The following A2ML1 variants were observed in gnomAD, a reference collection of about 807,000 sequenced individuals.
A2ML1 encodes alpha-2-macroglobulin like 1.
A neutral mutation model predicts 181.9 loss-of-function variants in A2ML1; 161 were observed. The observed-to-expected ratio is 0.89, with a 90% CI of 0.78 to 1.01. The LOEUF is 1.01. Ranked by LOEUF, A2ML1 falls within the 50% of genes least tolerant of loss-of-function variation. A2ML1 has a pLI of 0.00. For synonymous variants in A2ML1, 663 were observed against 666.8 expected (o/e 0.99, Z 0.09); for missense variants, 1,670 against 1,768.1 (o/e 0.94, Z 1.00).
chr12:8,857,430 T>A (rs764736255), intron 24 of A2ML1, 77 bp from the exon 25 acceptor site: 62 of 1,604,806 alleles, frequency 3.9e-5, no homozygotes, highest in Admixed American at 3.7e-4. Flanking sequence ...GCCCCTCAAG[T>A]GTCCCATATC....
At chr12:8,869,043 T>C (rs2136966472) in intron 32 of A2ML1, 92 bp from the exon 33 acceptor site, 1 of 1,250,958 alleles carries the variant, frequency 8.0e-7, no homozygotes, top group East Asian at 2.3e-5. Context: ...CCACAGTATA[T>C]ATTGTTTCCT....
chr12:8,827,410 C>T (rs987987761), intron 3 of A2ML1, among the ~76,000 whole-genome samples: 1 of 152,056 alleles, frequency 6.6e-6, no homozygotes, highest in African/African-American at 2.4e-5. Context: ...ATAAACTTTC[C>T]ATCTCATTTT....
At chr12:8,843,833 C>T (rs2136819769) in intron 12 of A2ML1, among the ~76,000 whole-genome samples, 1 of 151,202 alleles carries the variant, frequency 6.6e-6, no homozygotes, top group East Asian at 2.0e-4. Context: ...ATTCTCCTGT[C>T]TCAGCCTCCC....
Position 8,851,886 on chromosome 12 carries a change from A to G in A2ML1, c.2337A>G (p.Ser779=), listed in dbSNP as rs1346218146. 1 of 1,614,122 alleles carries G rather than the reference A, an allele frequency of 6.2e-7. No homozygotes were observed. Among genetic ancestry groups the G allele is most frequent in the Non-Finnish European group, 8.5e-7 (1 of 1,180,014 alleles). ...CTSQSRGFGL[S]PTVGLTAFKP... ...CCCAGTCAAGAGGCTTCGGGCTTTC[A>G]CCCACTGTTGGACTAACTGCTTTCA... Residue 779 remains serine (S), a synonymous_variant, in exon 19 of 36, where the codon TCA becomes TCG. Transcript: ENST00000299698.
At position 8,836,012 on chromosome 12, in the gene A2ML1, CAA is replaced by C. The variant is rs753902128; in HGVS notation, c.644-222_644-221del. Among the ~76,000 whole-genome samples, 379 of 52,186 alleles carry C rather than the reference CAA, an allele frequency of 7.3e-3. No homozygotes were observed. Among genetic ancestry groups the C allele is most frequent in the Non-Finnish European group, 0.013 (310 of 23,486 alleles). The allele number at this position is 52,186 out of a possible 152,430, so 34.2% of individuals were successfully genotyped here. On this transcript the variant is annotated intron_variant, in intron 6 of 35. Transcript: ENST00000299698. Reference sequence around the variant, plus strand: ...TGGGTGACAGAGCAAGACTCCGTCTCAAAAAAAAAAAAAAAAAAAAAATCAGC... The same window carrying C: ...TGGGTGACAGAGCAAGACTCCGTCTCAAAAAAAAAAAAAAAAAAAATCAGC...
intron 16 of A2ML1, 68 bp downstream of exon 16, chr12:8,848,982 T>C: frequency 6.6e-7 from 1 of 1,514,072 alleles, no homozygotes; most frequent in South Asian, 1.3e-5. Context: ...GGAAAGTTCA[T>C]ATCTAAGAAA....
intron 26 of A2ML1, among the ~76,000 whole-genome samples, chr12:8,859,300 A>C (rs994871028): frequency 1.3e-5 from 2 of 152,146 alleles, no homozygotes; most frequent in Non-Finnish European, 2.9e-5. Flanking sequence ...TGTTAAAAAA[A>C]AAATCTATTT....
At chr12:8,874,067 G>A (rs977734276) in intron 33 of A2ML1, among the ~76,000 whole-genome samples, 5 of 152,084 alleles carry the variant, frequency 3.3e-5, no homozygotes, top group Admixed American at 3.3e-4. Context: ...CCAGGCTGGA[G>A]TGCAGTGGCG....
rs199701571 is a variant in A2ML1 at position 8,823,762 on chromosome 12, C to T, written c.289C>T (p.Arg97Trp). Reference sequence around the variant, plus strand: ...TGGCACAGAAGAAGTGGCCACAATCCGGGTGTCGGGAGTTGGAAATAACAT... The same window carrying T: ...TGGCACAGAAGAAGTGGCCACAATCTGGGTGTCGGGAGTTGGAAATAACAT... ...AGGTEEVATI[R>W]VSGVGNNISF... The change falls in exon 3 of 36, where the codon CGG (arginine) becomes TGG (tryptophan). Residue 97 changes from arginine to tryptophan, a missense_variant. Physicochemically the swap from Arg to Trp is moderately radical, Grantham distance 101. Coordinates refer to ENST00000299698, the MANE Select transcript of A2ML1 (RefSeq NM_144670.6). 2.2e-4 allele frequency: 354 copies of T among 1,613,802 alleles called. No individual in the cohort carries two copies. Among genetic ancestry groups the T allele is most frequent in the Non-Finnish European group, 2.9e-4 (345 of 1,179,982 alleles).
At chr12:8,854,451 C>T (rs1565483007) in intron 21 of A2ML1, among the ~76,000 whole-genome samples, 2 of 152,208 alleles carry the variant, frequency 1.3e-5, no homozygotes, top group South Asian at 4.1e-4. Flanking sequence ...CTCATAGGCA[C>T]TCAACAAATG....
At chr12:8,859,511 T>C (rs1251084189) in intron 26 of A2ML1, among the ~76,000 whole-genome samples, 1 of 152,110 alleles carries the variant, frequency 6.6e-6, no homozygotes, top group Non-Finnish European at 1.5e-5. Flanking sequence ...CTGTCTCTAC[T>C]AAGATAAAGG....
At chr12:8,851,357 T>C (rs1943882594) in intron 18 of A2ML1, among the ~76,000 whole-genome samples, 1 of 151,854 alleles carries the variant, frequency 6.6e-6, no homozygotes, top group Non-Finnish European at 1.5e-5. Context: ...AGTTGCCTCT[T>C]TACTTCTCCC....
chr12:8,832,216 T>C (rs1465029636), intron 4 of A2ML1, among the ~76,000 whole-genome samples: 1 of 152,128 alleles, frequency 6.6e-6, no homozygotes, highest in Non-Finnish European at 1.5e-5. Flanking sequence ...ATTACTGGTC[T>C]GGGTGGTGTC....
chr12:8,857,629 C>T (rs1283582976), intron 25 of A2ML1, 41 bp downstream of exon 25: 5 of 1,581,950 alleles, frequency 3.2e-6, no homozygotes. Context: ...TACTCCAGAG[C>T]ATAATTCCTG....
At chr12:8,879,069 C>T (rs982890346), downstream of A2ML1, among the ~76,000 whole-genome samples, 1 of 152,306 alleles carries the variant, frequency 6.6e-6, no homozygotes, top group South Asian at 2.1e-4. Flanking sequence ...TCTCCTCCAT[C>T]CTTGTGTCTG....
Position 8,874,678 on chromosome 12 carries a change from A to G in A2ML1, c.4324+151A>G, listed in dbSNP as rs1007303286. 26 of 679,154 alleles carry G rather than the reference A, an allele frequency of 3.8e-5. 1 individual carries two copies. The South Asian group carries it at 4.9e-4, about 13-fold the overall frequency. The allele number at this position is 679,154 out of a possible 1,614,324, so 42.1% of individuals were successfully genotyped here. A position where few individuals can be genotyped will look rare whatever the true frequency, so the allele number is the denominator to read the frequency against. On this transcript the variant is annotated intron_variant, in intron 34 of 35. Coordinates refer to ENST00000299698, the MANE Select transcript of A2ML1 (RefSeq NM_144670.6). ...ATTAAATTATCTAATCTCCTAAAAT[A>G]TTTTAATTCAGTTGTGTGCCATTTT... is the stretch of plus-strand genomic sequence containing the variant.
At chr12:8,827,963 A>G (rs1003107258) in intron 3 of A2ML1, among the ~76,000 whole-genome samples, 3 of 152,132 alleles carry the variant, frequency 2.0e-5, no homozygotes, top group African/African-American at 7.2e-5. Flanking sequence ...AAACAAACAG[A>G]GTTTCTCTCT....
intron 32 of A2ML1, among the ~76,000 whole-genome samples, chr12:8,868,908 G>T (rs183652044): frequency 6.6e-6 from 1 of 151,960 alleles, no homozygotes; most frequent in Non-Finnish European, 1.5e-5. Context: ...GTACATATAT[G>T]TGTGCATATA....
rs12300532 is a variant in A2ML1, at chr12:8,855,691, A to G, written c.2848+99A>G. Reference sequence around the variant, plus strand: ...ACATACGGACCTATCCGGAGAGTGTAACTAATAACAAGTGATGAAGGAAAA... The same window carrying G: ...ACATACGGACCTATCCGGAGAGTGTGACTAATAACAAGTGATGAAGGAAAA... On this transcript the variant is annotated intron_variant, in intron 23 of 35. Transcript: ENST00000299698. 6.0e-3 allele frequency: 6,613 copies of G among 1,095,888 alleles called. 295 individuals are homozygous for G. The African/African-American group carries it at 0.09, about 15-fold the overall frequency. 67.9% of individuals were successfully genotyped at this position (1,095,888 alleles called of 1,614,324 possible). A position where few individuals can be genotyped will look rare whatever the true frequency, so the allele number is the denominator to read the frequency against.
Sources: gnomAD v4.1 joint callset for allele counts (sites outside exome capture counted in the v4.1 genomes callset) on GRCh38, gnomAD v4.1.1 for gene constraint, MANE v1.5 for transcripts, NCBI Gene and HGNC (gene_info 2026-07-23, HGNC 2026-07-21) for gene names.